LPA: variants seen among roughly 807,000 people sequenced by gnomAD.
The protein encoded by LPA is apolipoprotein(a).
A neutral mutation model predicts 197.9 loss-of-function variants in LPA; 199 were observed. The observed-to-expected ratio is 1.01, with a 90% CI of 0.90 to 1.13. The LOEUF is 1.13. Ranked by LOEUF, LPA falls within the 50% of genes most tolerant of loss-of-function variation. The pLI is 0.00. For missense variants in LPA, 1,853 were observed against 1,785.8 expected (o/e 1.04, Z -0.68); for synonymous variants, 715 against 639.5 (o/e 1.12, Z -1.78).
At chr6:160,631,991 AGTGT>A (rs1554240938) in intron 8 of LPA, among the ~76,000 whole-genome samples, 235 of 129,842 alleles carry the variant, frequency 1.8e-3, no homozygotes, top group Non-Finnish European at 2.8e-3. Context: ...GTGTGTTTTC[AGTGT>A]GTGTGTGTGT....
chr6:160,600,536 T>C (rs1018770613), intron 19 of LPA, among the ~76,000 whole-genome samples: 1 of 152,174 alleles, frequency 6.6e-6, no homozygotes, highest in Non-Finnish European at 1.5e-5. Context: ...TCTGCAATGC[T>C]GAAGATTGCA....
intron 16 of LPA, among the ~76,000 whole-genome samples, chr6:160,610,514 G>A (rs183864585): frequency 3.3e-5 from 5 of 152,216 alleles, no homozygotes; most frequent in Admixed American, 2.6e-4. Flanking sequence ...TGAGCTTGCT[G>A]TTCTCTTGTA....
At position 160,572,229 on chromosome 6, in the gene LPA, G is replaced by A. The variant is rs527244998; in HGVS notation, c.4631+4907C>T. On this transcript the variant is annotated intron_variant, in intron 28 of 38. Coordinates refer to ENST00000316300, the MANE Select transcript of LPA (RefSeq NM_005577.4). The stretch of plus-strand genomic sequence containing the variant: ...CCCACTGTCTAACCAGTCCCAATGA[G>A]ATGAGCCGGGTACCTTGGTTGGAAA... Among the ~76,000 whole-genome samples the A allele has an allele frequency of 3.3e-5, 5 of 152,266 alleles. No homozygotes were observed. In the South Asian group the frequency reaches 6.2e-4, roughly 19 times the overall value.
intron 33 of LPA, among the ~76,000 whole-genome samples, chr6:160,544,640 C>T (rs985825050): frequency 6.6e-6 from 1 of 152,130 alleles, no homozygotes; most frequent in Non-Finnish European, 1.5e-5. Flanking sequence ...CTCAAGGTCC[C>T]TTCACATGGC....
chr6:160,535,972 T>G (rs1777888681), intron 37 of LPA, among the ~76,000 whole-genome samples: 3 of 152,158 alleles, frequency 2.0e-5, no homozygotes, highest in Admixed American at 2.0e-4. Flanking sequence ...TCTTGAAGGA[T>G]CTATCTAACT....
intron 27 of LPA, among the ~76,000 whole-genome samples, 171 bp downstream of exon 27, chr6:160,578,352 C>T (rs1778724199): frequency 6.6e-6 from 1 of 152,098 alleles, no homozygotes; most frequent in Non-Finnish European, 1.5e-5. Flanking sequence ...TGCCTCCTCA[C>T]AGCGTGCCAA....
Position 160,556,090 on chromosome 6 carries a change from T to C in LPA, c.4908A>G (p.Thr1636=), listed in dbSNP as rs1268800257. ...GTGTCATGGATGACCAAGATTGACA[T>C]GTCCTTCCTGTGACAGTGGTGGAGA... is the stretch of plus-strand genomic sequence containing the variant. ...GTFSTTVTGR[T]CQSWSSMTPH... The change falls in exon 30 of 39, where the codon ACA becomes ACG. Residue 1636 remains threonine, a synonymous_variant. Transcript: ENST00000316300. The C allele has an allele frequency of 1.9e-6, 3 of 1,613,838 alleles. No individual in the cohort carries two copies. The highest frequency in any genetic ancestry group is 2.7e-5 in the African/African-American group (2 of 74,898).
intron 26 of LPA, among the ~76,000 whole-genome samples, chr6:160,581,373 C>T (rs923296794): frequency 6.6e-5 from 10 of 152,158 alleles, no homozygotes; most frequent in Non-Finnish European, 1.5e-4. Context: ...AATCATGGCT[C>T]ATTTCAGCCT....
At chr6:160,660,224 TTCCC>T (rs1346918584) in intron 1 of LPA, among the ~76,000 whole-genome samples, 1 of 138,650 alleles carries the variant, frequency 7.2e-6, no homozygotes, top group East Asian at 2.0e-4. Flanking sequence ...CTTTGCCCTC[TTCCC>T]TCCCTATCAG....
rs201621981 is a variant in LPA at position 160,548,613 on chromosome 6, G to A, written c.5020C>T (p.Pro1674Ser). The A allele has an allele frequency of 1.2e-6, 2 of 1,614,062 alleles. No homozygotes were observed. Among genetic ancestry groups the A allele is most frequent in the East Asian group, 2.2e-5 (1 of 44,864 alleles). ...CTGGGGTCCATGGTAAAACACCAAGGGCCTGTATCGGCATCTGGATTCCTG... is the reference window on the plus strand; with the variant it reads ...CTGGGGTCCATGGTAAAACACCAAGAGCCTGTATCGGCATCTGGATTCCTG... Reference protein sequence around the residue: ...YCRNPDADTGPWCFTMDPSIR... With the variant: ...YCRNPDADTGSWCFTMDPSIR... The change falls in exon 31 of 39, where the codon CCT becomes TCT. Residue 1674 changes from proline to serine, a missense_variant. This residue lies in a region of LPA where 1,737 missense variants were observed against 1,504.4 expected (regional missense o/e 1.15). Coordinates refer to ENST00000316300, the MANE Select transcript of LPA (RefSeq NM_005577.4).
chr6:160,539,197 C>T (rs1277159071), intron 36 of LPA, among the ~76,000 whole-genome samples: 6 of 152,174 alleles, frequency 3.9e-5, no homozygotes, highest in Non-Finnish European at 5.9e-5. Flanking sequence ...GACACCCTGC[C>T]TTCCAGAGCC....
Position 160,589,677 on chromosome 6 carries a change from A to G in LPA, c.3823T>C (p.Tyr1275His), listed in dbSNP as rs1461789420. 4 of 1,613,968 alleles carry G rather than the reference A, an allele frequency of 2.5e-6. No homozygotes were observed. Among genetic ancestry groups the G allele is most frequent in the African/African-American group, 1.3e-5 (1 of 75,040 alleles). Residue 1275 changes from tyrosine (Y) to histidine (H), a missense_variant, in exon 24 of 39, where the codon TAC (tyrosine) becomes CAC (histidine). Tyr to His is a moderately conservative substitution (Grantham distance 83). Coordinates refer to ENST00000316300, the MANE Select transcript of LPA (RefSeq NM_005577.4). Reference sequence around the variant, plus strand: ...CGATAACTCTGTCCATCACCATGGTAGCAGTCCTGGACTGTGGGGCTTTGC... The same window carrying G: ...CGATAACTCTGTCCATCACCATGGTGGCAGTCCTGGACTGTGGGGCTTTGC... Reference protein sequence around the residue: ...TEQSPTVQDCYHGDGQSYRGS... With the variant: ...TEQSPTVQDCHHGDGQSYRGS...
At chr6:160,598,530 T>C (rs1779174531) in intron 20 of LPA, among the ~76,000 whole-genome samples, 1 of 152,216 alleles carries the variant, frequency 6.6e-6, no homozygotes, top group Non-Finnish European at 1.5e-5. Context: ...CTCTAGCATC[T>C]GTTGTTCAAC....
chr6:160,548,927 C>T (rs969901821), intron 30 of LPA, among the ~76,000 whole-genome samples: 5 of 152,072 alleles, frequency 3.3e-5, no homozygotes, highest in Non-Finnish European at 5.9e-5. Context: ...AGGAAATACC[C>T]GAGACAGACT....
At chr6:160,588,517 C>G (rs756712696) in intron 24 of LPA, among the ~76,000 whole-genome samples, 1 of 152,132 alleles carries the variant, frequency 6.6e-6, no homozygotes, top group Non-Finnish European at 1.5e-5. Context: ...GCTTACTGTT[C>G]CCCTGCAGTT....
In LPA at chr6:160,589,558, TG is replaced by T. The variant is rs1225022913; in HGVS notation, c.3941del (p.Pro1314GlnfsTer5). 1 of 1,613,672 alleles carries T rather than the reference TG, an allele frequency of 6.2e-7. No homozygotes were observed. Among genetic ancestry groups the T allele is most frequent in the Middle Eastern group, 1.7e-4 (1 of 5,926 alleles). Reference sequence around the variant, plus strand: ...GAGAAAACTCAAAGACATACCCATTTGGGTAGTATTCTGTGGTTCTCTGATG... The same window carrying T: ...GAGAAAACTCAAAGACATACCCATTTGGTAGTATTCTGTGGTTCTCTGATG... ...HWHQRTTEYY[P>X]NGGLTRNYCR... On this transcript the variant is annotated frameshift_variant, in exon 24 of 39. Transcript: ENST00000316300. LOFTEE classifies it high-confidence loss of function.
At chr6:160,635,004 A>T in intron 7 of LPA, 119 bp downstream of exon 7, 2 of 1,507,674 alleles carry the variant, frequency 1.3e-6, no homozygotes, top group Non-Finnish European at 1.8e-6. Flanking sequence ...CCAACATGGC[A>T]GAACTCCGGC....
chr6:160,634,583 G>A (rs1456506183), intron 7 of LPA, among the ~76,000 whole-genome samples: 1 of 145,190 alleles, frequency 6.9e-6, no homozygotes, highest in Non-Finnish European at 1.5e-5. Flanking sequence ...AGAACACTGA[G>A]AAATCACTCC....
chr6:160,543,670 A>G (rs1327135971), intron 33 of LPA, among the ~76,000 whole-genome samples: 1 of 152,252 alleles, frequency 6.6e-6, no homozygotes, highest in Non-Finnish European at 1.5e-5. Flanking sequence ...TGCCTTACAT[A>G]CAGTAAACAT....
Sources: allele counts gnomAD v4.1 joint callset (sites outside exome capture counted in the v4.1 genomes callset), GRCh38; gene constraint gnomAD v4.1.1; regional missense constraint gnomAD v4.1.1; transcripts MANE v1.5; gene names NCBI Gene and HGNC (gene_info 2026-07-23, HGNC 2026-07-21).